The following LRRTM4 variants were observed in gnomAD, a reference collection of about 807,000 sequenced individuals.
LRRTM4 encodes leucine rich repeat transmembrane neuronal 4.
LRRTM4 carries 25 observed loss-of-function variants against 47.6 expected under a neutral mutation model. The observed-to-expected ratio is 0.53, with a 90% CI of 0.38 to 0.73. The LOEUF (loss-of-function observed/expected upper bound fraction) is 0.73, where lower values mean the gene tolerates loss of function less well. Ranked by LOEUF, LRRTM4 falls within the 30% of genes least tolerant of loss-of-function variation. The pLI is 0.00. For synonymous variants in LRRTM4, 311 were observed against 269.5 expected, an observed-to-expected ratio of 1.15 and a Z score of -1.51; for missense variants, 638 against 713.4, an observed-to-expected ratio of 0.89 and a Z score of 1.20.
intron 3 of LRRTM4, among the ~76,000 whole-genome samples, chr2:77,044,638 T>C (rs576485624): frequency 3.3e-5 from 5 of 151,480 alleles, no homozygotes; most frequent in South Asian, 2.1e-4. Context: ...TATATATATA[T>C]ACACACAAAC....
intron 3 of LRRTM4, among the ~76,000 whole-genome samples, chr2:77,459,037 C>A (rs1676674214): frequency 6.6e-6 from 1 of 151,934 alleles, no homozygotes; most frequent in Non-Finnish European, 1.5e-5. Context: ...GAAAGTCTTA[C>A]TTTGAAAAAC....
chr2:76,849,000 G>C (rs1671914593), intron 3 of LRRTM4, among the ~76,000 whole-genome samples: 1 of 151,986 alleles, frequency 6.6e-6, no homozygotes, highest in Non-Finnish European at 1.5e-5. Context: ...TACATTCCCT[G>C]TTATACCAGA....
At chr2:77,445,645 A>C (rs1226966935) in intron 3 of LRRTM4, among the ~76,000 whole-genome samples, 1 of 152,038 alleles carries the variant, frequency 6.6e-6, no homozygotes, top group Non-Finnish European at 1.5e-5. Flanking sequence ...ATCAATGTAC[A>C]TTTTCACATC....
intron 3 of LRRTM4, among the ~76,000 whole-genome samples, chr2:77,216,709 A>T (rs1558637652): frequency 6.6e-6 from 1 of 152,144 alleles, no homozygotes; most frequent in Non-Finnish European, 1.5e-5. Flanking sequence ...TTAACATAGA[A>T]TAAACCTTGC....
intron 3 of LRRTM4, among the ~76,000 whole-genome samples, chr2:77,209,058 C>G (rs1358942262): frequency 1.3e-5 from 2 of 152,130 alleles, no homozygotes; most frequent in Non-Finnish European, 2.9e-5. Context: ...ACTACCCAAG[C>G]TGTCCTATCA....
At chr2:77,242,963 A>T (rs1055550642) in intron 3 of LRRTM4, among the ~76,000 whole-genome samples, 32 of 152,326 alleles carry the variant, frequency 2.1e-4, no homozygotes, top group African/African-American at 6.0e-4. Context: ...CAAAAGGTGG[A>T]AACAACCCAA....
At chr2:77,009,401 ATT>A (rs1677783517) in intron 3 of LRRTM4, 1 of 152,118 alleles carries the variant, frequency 6.6e-6, no homozygotes, top group African/African-American at 2.4e-5. Flanking sequence ...GTGATTTTGA[ATT>A]TCAAAAGCGA....
intron 3 of LRRTM4, among the ~76,000 whole-genome samples, chr2:76,876,118 A>T: frequency 6.6e-6 from 1 of 152,134 alleles, no homozygotes; most frequent in East Asian, 1.9e-4. Context: ...TTACATACAC[A>T]CAGTAAAGAA....
intron 3 of LRRTM4, among the ~76,000 whole-genome samples, chr2:77,421,610 A>G (rs111296833): frequency 0.034 from 5,112 of 152,072 alleles, 188 homozygotes; most frequent in Admixed American, 0.11. Context: ...GGGAGGCTGA[A>G]GCAGGAGAAT....
intron 3 of LRRTM4, among the ~76,000 whole-genome samples, chr2:77,318,759 C>G (rs960306002): frequency 6.6e-6 from 1 of 152,096 alleles, no homozygotes; most frequent in African/African-American, 2.4e-5. Context: ...TTTCCATCAA[C>G]GGACTCTCAT....
At chr2:77,111,815 C>T (rs1444203847) in intron 3 of LRRTM4, among the ~76,000 whole-genome samples, 10 of 151,780 alleles carry the variant, frequency 6.6e-5, no homozygotes, top group Admixed American at 3.3e-4. Flanking sequence ...AAAAGGTGGA[C>T]GTTTTTGACT....
intron 3 of LRRTM4, among the ~76,000 whole-genome samples, chr2:76,786,906 G>C (rs1674702382): frequency 6.6e-6 from 1 of 151,906 alleles, no homozygotes; most frequent in African/African-American, 2.4e-5. Flanking sequence ...AAGTCAGCAA[G>C]TTTTTGACAC....
intron 3 of LRRTM4, among the ~76,000 whole-genome samples, chr2:76,989,201 A>T (rs941243057): frequency 2.6e-5 from 4 of 151,776 alleles, no homozygotes; most frequent in Non-Finnish European, 5.9e-5. Context: ...CCTGTCCCTG[A>T]ATAAAGTGAC....
chr2:77,066,626 C>T (rs1179755509), intron 3 of LRRTM4, among the ~76,000 whole-genome samples: 2 of 152,042 alleles, frequency 1.3e-5, no homozygotes, highest in African/African-American at 2.4e-5. Flanking sequence ...ATCAAAGGCC[C>T]TTATTGTCAC....
intron 3 of LRRTM4, among the ~76,000 whole-genome samples, chr2:76,807,437 CGTATATACATAT>C (rs1288633747): frequency 1.7e-4 from 6 of 34,300 alleles, no homozygotes; most frequent in African/African-American, 9.8e-4. Flanking sequence ...TATATATATA[CGTATATACATAT>C]ATATATATAC....
rs147582450 is a variant in LRRTM4 at position 76,971,537 on chromosome 2, T to C, written c.1552-222621A>G. Among the ~76,000 whole-genome samples the C allele has an allele frequency of 1.6e-4, 24 of 152,102 alleles. No homozygotes were observed. The East Asian group carries it at 4.7e-3, about 30-fold the overall frequency. On this transcript the variant is annotated intron_variant, in intron 3 of 3. Transcript: ENST00000409884. ...CAGGGGTGTCTGTCTCACAGGATAA[T>C]GGCAGGGCTCCAGACTCAAGTTTGG... is the stretch of plus-strand genomic sequence containing the variant.
intron 3 of LRRTM4, among the ~76,000 whole-genome samples, chr2:76,993,069 G>A (rs10186912): frequency 0.5 from 76,390 of 151,466 alleles, 19,955 homozygotes; most frequent in African/African-American, 0.64. Flanking sequence ...TGGCTAATCT[G>A]TCTGAAAGAA....
chr2:77,114,258 A>G, intron 3 of LRRTM4, among the ~76,000 whole-genome samples: 1 of 152,142 alleles, frequency 6.6e-6, no homozygotes, highest in East Asian at 1.9e-4. Flanking sequence ...TTTTGCACCA[A>G]CACTATCCCA....
At chr2:77,403,435 C>T (rs1047645496) in intron 3 of LRRTM4, among the ~76,000 whole-genome samples, 1 of 151,192 alleles carries the variant, frequency 6.6e-6, no homozygotes, top group Admixed American at 6.6e-5. Flanking sequence ...GAAGTAGGTG[C>T]TTAATAGTTG....
Sources: gnomAD v4.1 joint callset for allele counts (sites outside exome capture counted in the v4.1 genomes callset) on GRCh38, gnomAD v4.1.1 for gene constraint, MANE v1.5 for transcripts, NCBI Gene and HGNC (gene_info 2026-07-23, HGNC 2026-07-21) for gene names.